MITF: variants seen among roughly 807,000 people sequenced by gnomAD.
MITF encodes melanocyte inducing transcription factor.
A neutral mutation model predicts 60.5 loss-of-function variants in MITF; 17 were observed. The observed-to-expected ratio is 0.28, with a 90% CI of 0.19 to 0.42. MITF has a LOEUF of 0.42. Ranked by LOEUF, MITF falls within the 10% of genes least tolerant of loss-of-function variation. The probability of loss-of-function intolerance (pLI) is 1.00; values close to 1 mark genes in which losing one functional copy is unlikely to be tolerated. For missense variants in MITF, 622 were observed against 683.5 expected (o/e 0.91, Z 1.00); for synonymous variants, 260 against 248.5 (o/e 1.05, Z -0.43).
At chr3:69,769,633 C>G (rs1409892599) in intron 1 of MITF, 1 of 152,056 alleles carries the variant, frequency 6.6e-6, no homozygotes, top group Non-Finnish European at 1.5e-5. Flanking sequence ...TGGTGGTCCC[C>G]TAGGAGGTCA....
intron 1 of MITF, 81 bp from the exon 2 acceptor site, chr3:69,879,053 G>C: frequency 9.0e-7 from 1 of 1,115,052 alleles, no homozygotes; most frequent in African/African-American, 1.5e-5. Flanking sequence ...ATAGTTTGGT[G>C]CAATTTAGGA....
In MITF at chr3:69,879,114, G is replaced by A. The variant is rs1391524105; in HGVS notation, c.105-20G>A. ...CTCATTAGGAAACTAAATGTTGTAT[G>A]CATTTTGGTTTTCCCACAGCAGTTC... On this transcript the variant is annotated intron_variant, in intron 1 of 9. Coordinates refer to ENST00000352241, the MANE Select transcript of MITF (RefSeq NM_001354604.2). 6.2e-7 allele frequency: 1 copy of A among 1,604,592 alleles called. No homozygotes were observed. The highest frequency in any genetic ancestry group is 8.5e-7 in the Non-Finnish European group (1 of 1,171,436).
At chr3:69,905,842 G>A (rs2065087211) in intron 2 of MITF, among the ~76,000 whole-genome samples, 1 of 151,952 alleles carries the variant, frequency 6.6e-6, no homozygotes, top group South Asian at 2.1e-4. Context: ...TCTTAACTGA[G>A]CTGTTTGTCT....
At chr3:69,774,925 G>A (rs2106851766) in intron 1 of MITF, among the ~76,000 whole-genome samples, 1 of 152,292 alleles carries the variant, frequency 6.6e-6, no homozygotes, top group South Asian at 2.1e-4. Context: ...CAGGAACCAA[G>A]AGCCCTTGAC....
chr3:69,840,594 A>G (rs1208705006), intron 1 of MITF, among the ~76,000 whole-genome samples: 1 of 152,124 alleles, frequency 6.6e-6, no homozygotes, highest in Non-Finnish European at 1.5e-5. Context: ...TTAAAAAAAG[A>G]GATCGACAGG....
At chr3:69,921,893 G>A (rs890485387) in intron 2 of MITF, among the ~76,000 whole-genome samples, 2 of 152,156 alleles carry the variant, frequency 1.3e-5, no homozygotes, top group African/African-American at 4.8e-5. Context: ...CTTGTGCATC[G>A]TAGGATGTTT....
intron 2 of MITF, among the ~76,000 whole-genome samples, chr3:69,927,507 G>C (rs1162812735): frequency 2.0e-5 from 3 of 151,870 alleles, no homozygotes; most frequent in Admixed American, 1.3e-4. Flanking sequence ...TGCACGTTCT[G>C]CACATGTATC....
intron 1 of MITF, among the ~76,000 whole-genome samples, chr3:69,805,736 G>A (rs1386185567): frequency 6.6e-6 from 1 of 151,872 alleles, no homozygotes; most frequent in East Asian, 1.9e-4. Flanking sequence ...ATAGCTTACT[G>A]TAACCTCCAA....
chr3:69,910,036 G>A (rs1449502496), intron 2 of MITF, among the ~76,000 whole-genome samples: 1 of 152,170 alleles, frequency 6.6e-6, no homozygotes, highest in Non-Finnish European at 1.5e-5. Context: ...AGGCCTGGAG[G>A]CCCAGGAGGA....
chr3:69,840,431 A>G (rs2063614938), intron 1 of MITF, among the ~76,000 whole-genome samples: 1 of 152,196 alleles, frequency 6.6e-6, no homozygotes, highest in Non-Finnish European at 1.5e-5. Flanking sequence ...CATTGTTAGA[A>G]TAAGAAGACA....
chr3:69,824,396 C>T (rs1373263015), intron 1 of MITF, among the ~76,000 whole-genome samples: 3 of 152,236 alleles, frequency 2.0e-5, no homozygotes, highest in South Asian at 2.1e-4. Flanking sequence ...CAATTGCTTC[C>T]TCTAGGTTCT....
intron 2 of MITF, among the ~76,000 whole-genome samples, chr3:69,919,133 TAAA>T (rs2107420698): frequency 6.6e-6 from 1 of 152,290 alleles, no homozygotes; most frequent in East Asian, 1.9e-4. Flanking sequence ...AGAAAACACT[TAAA>T]TTCAGCCACC....
At chr3:69,764,016 T>C (rs2062252029) in intron 1 of MITF, 1 of 1,147,576 alleles carries the variant, frequency 8.7e-7, no homozygotes, top group South Asian at 1.4e-5. Flanking sequence ...GATGTCAATC[T>C]TTATATCGTA....
chr3:69,793,493 GATGCTCATAGCATGCACCCTCTCCCA>G lies in MITF; in HGVS notation c.104+53826_104+53851del, dbSNP rs541867052. Among the ~76,000 whole-genome samples the G allele has an allele frequency of 3.6e-4, 47 of 131,796 alleles. 1 individual carries two copies. The East Asian group carries it at 4.0e-3, about 11-fold the overall frequency. The allele number at this position is 131,796 out of a possible 152,430, so 86.5% of individuals were successfully genotyped here. ...TAGCGTCCCTGGCTTCTACCCATTAGATGCTCATAGCATGCACCCTCTCCCAATGCTCATAGCATGCACCCTCTCCC... is the reference window on the plus strand; with the variant it reads ...TAGCGTCCCTGGCTTCTACCCATTAGATGCTCATAGCATGCACCCTCTCCC... On this transcript the variant is annotated intron_variant, in intron 1 of 9. Coordinates refer to ENST00000352241, the MANE Select transcript of MITF (RefSeq NM_001354604.2).
In MITF at chr3:69,787,185, T is replaced by A. The variant is rs553492002; in HGVS notation, c.104+47484T>A. On this transcript the variant is annotated intron_variant, in intron 1 of 9. Coordinates refer to ENST00000352241, the MANE Select transcript of MITF (RefSeq NM_001354604.2). ...TGTTCCATTCATGAGCCAGTGCATG[T>A]GATGAAGGAATGGGTTTTAGGCTGG... 1.2e-4 allele frequency among the ~76,000 whole-genome samples: 19 copies of A among 152,270 alleles called. No individual in the cohort carries two copies. The South Asian group carries it at 3.9e-3, about 32-fold the overall frequency.
chr3:69,787,984 A>T (rs919232605), intron 1 of MITF, among the ~76,000 whole-genome samples: 2 of 152,064 alleles, frequency 1.3e-5, no homozygotes, highest in South Asian at 2.1e-4. Context: ...TGTGAAGGAG[A>T]TGCTGTCATT....
At chr3:69,933,342 G>T (rs2065763788) in intron 2 of MITF, among the ~76,000 whole-genome samples, 1 of 152,110 alleles carries the variant, frequency 6.6e-6, no homozygotes, top group Non-Finnish European at 1.5e-5. Context: ...TCTGTTGTCA[G>T]CCAAGATGGT....
intron 1 of MITF, among the ~76,000 whole-genome samples, chr3:69,772,174 GTTA>G (rs2062404262): frequency 1.3e-5 from 2 of 152,136 alleles, no homozygotes; most frequent in Non-Finnish European, 2.9e-5. Context: ...CTGGTTGAAT[GTTA>G]TTAATTTTTT....
chr3:69,917,376 CTTT>C (rs3044646), intron 2 of MITF, among the ~76,000 whole-genome samples: 3 of 113,292 alleles, frequency 2.6e-5, no homozygotes, highest in African/African-American at 6.8e-5. Context: ...CAGTTGCCTC[CTTT>C]TTTTTTTTTT....
Sources: allele counts gnomAD v4.1 joint callset (sites outside exome capture counted in the v4.1 genomes callset), GRCh38; gene constraint gnomAD v4.1.1; transcripts MANE v1.5; gene names NCBI Gene and HGNC (gene_info 2026-07-23, HGNC 2026-07-21).